The following TMED10 variants were observed in gnomAD, a reference collection of about 807,000 sequenced individuals.
The protein encoded by TMED10 is transmembrane p24 trafficking protein 10, also known as transmembrane emp24 domain-containing protein 10.
In TMED10, 7 loss-of-function variants were observed where a neutral mutation model predicts 23.1. The ratio of observed to expected loss-of-function variants is 0.30; its 90% CI spans 0.17 to 0.57. The LOEUF (loss-of-function observed/expected upper bound fraction) is 0.57. TMED10 is among the 20% of genes least tolerant of loss of function. TMED10 has a pLI of 0.91. For synonymous variants in TMED10, 113 were observed against 106.9 expected, an observed-to-expected ratio of 1.06 and a Z score of -0.35; for missense variants, 162 against 274.8, an observed-to-expected ratio of 0.59 and a Z score of 2.90.
intron 3 of TMED10, among the ~76,000 whole-genome samples, chr14:75,142,684 T>C (rs932241889): frequency 1.3e-5 from 2 of 152,200 alleles, no homozygotes; most frequent in Non-Finnish European, 2.9e-5. Context: ...AAATGATTTA[T>C]AGTTTATATA....
Position 75,134,673 on chromosome 14 carries a change from G to A in TMED10, c.*212C>T. On this transcript the variant is annotated 3_prime_UTR_variant, in exon 5 of 5. Coordinates refer to ENST00000303575, the MANE Select transcript of TMED10 (RefSeq NM_006827.6). ...TAATAGACCTATTGTTGCAAAACCA[G>A]TCAAAATCCTACCAAATTAAAAAGA... 1 of 567,066 alleles carries A rather than the reference G, an allele frequency of 1.8e-6. No homozygotes were observed. The highest frequency in any genetic ancestry group is 3.3e-5 in the East Asian group (1 of 30,404). The allele number at this position is 567,066 out of a possible 1,614,324, so 35.1% of individuals were successfully genotyped here. A position where few individuals can be genotyped will look rare whatever the true frequency, so the allele number is the denominator to read the frequency against.
chr14:75,140,622 C>T (rs888569364), intron 3 of TMED10, among the ~76,000 whole-genome samples: 12 of 152,140 alleles, frequency 7.9e-5, no homozygotes, highest in African/African-American at 2.9e-4. Context: ...GCACGAGAAT[C>T]CTTTGAACCT....
rs567791502 is a variant in TMED10, at chr14:75,148,514, AATC to A, written c.338-780_338-778del. On this transcript the variant is annotated intron_variant, in intron 2 of 4. Transcript: ENST00000303575. ...GGATCAAAGAAGCATTCTAATCTTA[AATC>A]ATCAAGTAGGAGAAAGGAAAAGACC... Among the ~76,000 whole-genome samples, 123 of 152,212 alleles carry A rather than the reference AATC, an allele frequency of 8.1e-4. 3 individuals carry two copies. In the East Asian group the frequency reaches 0.016, roughly 19 times the overall value.
chr14:75,173,184 G>C (rs1024527593), intron 1 of TMED10, among the ~76,000 whole-genome samples: 9 of 152,158 alleles, frequency 5.9e-5, no homozygotes, highest in African/African-American at 1.2e-4. Context: ...CCAGGAGTTC[G>C]AGACCAGCCT....
Position 75,135,632 on chromosome 14 carries a change from G to A in TMED10, c.538+128C>T, listed in dbSNP as rs1392351817. The A allele has an allele frequency of 1.4e-5, 19 of 1,324,570 alleles. No individual in the cohort carries two copies. The South Asian group carries it at 1.4e-4, about 10-fold the overall frequency. 82.1% of individuals were successfully genotyped at this position (1,324,570 alleles called of 1,614,324 possible). A position where few individuals can be genotyped will look rare whatever the true frequency, so the allele number is the denominator to read the frequency against. ...ATTTACCTTTAGCAGCAACAACAGC[G>A]AAGCAAGCAATTTCCCCTCCATATA... On this transcript the variant is annotated intron_variant, in intron 4 of 4. Coordinates refer to ENST00000303575, the MANE Select transcript of TMED10 (RefSeq NM_006827.6).
rs1896016818 is a variant in TMED10 at position 75,156,141 on chromosome 14, AG to A, written c.226-3999del. Among the ~76,000 whole-genome samples, 3 of 152,196 alleles carry A rather than the reference AG, an allele frequency of 2.0e-5. No individual in the cohort carries two copies. In the East Asian group the frequency reaches 5.8e-4, roughly 29 times the overall value. ...GACAATTCAGAAAGATGACGCTACCAGTACTATGAAGACAGACTATAGAGAG... is the reference window on the plus strand; with the variant it reads ...GACAATTCAGAAAGATGACGCTACCATACTATGAAGACAGACTATAGAGAG... On this transcript the variant is annotated intron_variant, in intron 1 of 4. Transcript: ENST00000303575.
intron 1 of TMED10, among the ~76,000 whole-genome samples, chr14:75,155,951 C>A (rs904927457): frequency 1.6e-4 from 24 of 152,136 alleles, no homozygotes; most frequent in African/African-American, 5.8e-4. Flanking sequence ...AGAATTATTT[C>A]CCCCGTGTTC....
At chr14:75,162,523 C>T (rs748773849) in intron 1 of TMED10, among the ~76,000 whole-genome samples, 1 of 152,030 alleles carries the variant, frequency 6.6e-6, no homozygotes, top group Non-Finnish European at 1.5e-5. Context: ...TGTAGGCACC[C>T]GTAAGGAGTG....
chr14:75,166,698 T>C (rs1008896812), intron 1 of TMED10, among the ~76,000 whole-genome samples: 11 of 152,198 alleles, frequency 7.2e-5, no homozygotes, highest in Non-Finnish European at 1.6e-4. Flanking sequence ...GAACTTTGTA[T>C]ATAATACAAA....
intron 1 of TMED10, among the ~76,000 whole-genome samples, chr14:75,171,418 T>C (rs1896232022): frequency 6.6e-6 from 1 of 152,080 alleles, no homozygotes; most frequent in South Asian, 2.1e-4. Context: ...TAGCTGGGAC[T>C]ACAGGTGTGC....
intron 1 of TMED10, among the ~76,000 whole-genome samples, chr14:75,170,036 G>A (rs1321216730): frequency 2.0e-5 from 3 of 151,978 alleles, no homozygotes; most frequent in African/African-American, 7.3e-5. Context: ...GACCATCCTG[G>A]CTAACACGGT....
At chr14:75,159,460 C>A (rs1896061086) in intron 1 of TMED10, among the ~76,000 whole-genome samples, 1 of 152,212 alleles carries the variant, frequency 6.6e-6, no homozygotes, top group Non-Finnish European at 1.5e-5. Context: ...GAGACTAAGT[C>A]ATTGGCCTAG....
intron 1 of TMED10, 192 bp downstream of exon 1, chr14:75,176,163 G>A (rs948808588): frequency 1.5e-6 from 1 of 661,936 alleles, no homozygotes; most frequent in Non-Finnish European, 2.5e-6. Flanking sequence ...GTTCCCAGGC[G>A]TTGGTGACCC....
At position 75,146,928 on chromosome 14, in the gene TMED10, T is replaced by C. The variant is rs192810326; in HGVS notation, c.411+736A>G. Among the ~76,000 whole-genome samples the C allele has an allele frequency of 9.9e-3, 1,512 of 152,066 alleles. 20 individuals are homozygous for C. The highest frequency in any genetic ancestry group is 0.032 in the African/African-American group (1,325 of 41,478). On this transcript the variant is annotated intron_variant, in intron 3 of 4. Coordinates refer to ENST00000303575, the MANE Select transcript of TMED10 (RefSeq NM_006827.6). Reference sequence around the variant, plus strand: ...TGCCCCAGATAGATAGATAGATAGATAGATAGATAGATAGATATACAACTG... The same window carrying C: ...TGCCCCAGATAGATAGATAGATAGACAGATAGATAGATAGATATACAACTG...
In TMED10 at chr14:75,164,532, AATATATATATATATATATATATATATAT is replaced by A. The variant is rs368412262; in HGVS notation, c.225+11795_225+11822del. Among the ~76,000 whole-genome samples, 4 of 54,462 alleles carry A rather than the reference AATATATATATATATATATATATATATAT, an allele frequency of 7.3e-5. 1 individual carries two copies. Among genetic ancestry groups the A allele is most frequent in the Non-Finnish European group, 1.4e-4 (4 of 29,628 alleles). 35.7% of individuals were successfully genotyped at this position (54,462 alleles called of 152,430 possible). ...AGGCGTGAGCCACTGCACCTGGCCT[AATATATATATATATATATATATATATAT>A]ATATATATATATATATATTTTTTTT... On this transcript the variant is annotated intron_variant, in intron 1 of 4. Transcript: ENST00000303575.
rs1566675933 is a variant in TMED10 at position 75,167,385 on chromosome 14, C to CCTGCCTCTTCGCCCCT, written c.225+8954_225+8969dup. 4.6e-5 allele frequency among the ~76,000 whole-genome samples: 7 copies of CCTGCCTCTTCGCCCCT among 152,018 alleles called. No individual in the cohort carries two copies. The South Asian group carries it at 1.2e-3, about 27-fold the overall frequency. ...CATCTTTTCCTTCCTTCCTCCCTCC[C>CCTGCCTCTTCGCCCCT]CTGCCTCTTCGCCCCTCTGCCTCTC... On this transcript the variant is annotated intron_variant, in intron 1 of 4. Transcript: ENST00000303575.
At position 75,153,075 on chromosome 14, in the gene TMED10, T is replaced by C. The variant is rs140532288; in HGVS notation, c.226-932A>G. Among the ~76,000 whole-genome samples the C allele has an allele frequency of 6.0e-3, 910 of 152,234 alleles. 8 individuals carry two copies. Among genetic ancestry groups the C allele is most frequent in the African/African-American group, 0.021 (875 of 41,530 alleles). On this transcript the variant is annotated intron_variant, in intron 1 of 4. Coordinates refer to ENST00000303575, the MANE Select transcript of TMED10 (RefSeq NM_006827.6). ...AGGCGGAGGTTGCAGTGAGCCAAGA[T>C]TGCGCCACTGCACTCCAGCCCAGAT...
chr14:75,161,486 A>T (rs1247077422), intron 1 of TMED10, among the ~76,000 whole-genome samples: 1 of 144,256 alleles, frequency 6.9e-6, no homozygotes, highest in Non-Finnish European at 1.6e-5. Flanking sequence ...AAAGCTCACA[A>T]ATTTATCTAA....
rs1182133493 is a variant in TMED10 at position 75,132,056 on chromosome 14, AG to A, written c.*2828del. 6.6e-6 allele frequency: 1 copy of A among 152,622 alleles called. No individual in the cohort carries two copies. The highest frequency in any genetic ancestry group is 6.5e-5 in the Admixed American group (1 of 15,286). The allele number at this position is 152,622 out of a possible 1,614,324, so 9.5% of individuals were successfully genotyped here. The stretch of plus-strand genomic sequence containing the variant: ...CAGAAATAGGAAAGAAAATCTTGTT[AG>A]GCTAACGGTACATGATAGAAATTTC... On this transcript the variant is annotated 3_prime_UTR_variant, in exon 5 of 5. Transcript: ENST00000303575.
Sources: gnomAD v4.1 joint callset for allele counts (sites outside exome capture counted in the v4.1 genomes callset) on GRCh38, gnomAD v4.1.1 for gene constraint, MANE v1.5 for transcripts, NCBI Gene and HGNC (gene_info 2026-07-23, HGNC 2026-07-21) for gene names.